NAA15: variants seen among roughly 807,000 people sequenced by gnomAD.
The protein encoded by NAA15 is N-terminal acetyltransferase.
A neutral mutation model predicts 114.0 loss-of-function variants in NAA15; 34 were observed. The ratio of observed to expected loss-of-function variants is 0.30; its 90% CI spans 0.23 to 0.40. NAA15 has a LOEUF of 0.40. NAA15 is among the 10% of genes least tolerant of loss of function. The pLI, the probability that NAA15 is intolerant of heterozygous loss-of-function variation, is 1.00. For missense variants in NAA15, 658 were observed against 1,004.5 expected (o/e 0.66, Z 4.66); for synonymous variants, 340 against 338.0 (o/e 1.01, Z -0.06).
rs184011277 is a variant in NAA15, at chr4:139,372,163, G to A, written c.1947+1759G>A. Among the ~76,000 whole-genome samples, 274 of 152,194 alleles carry A rather than the reference G, an allele frequency of 1.8e-3. 1 individual carries two copies. Among genetic ancestry groups the A allele is most frequent in the Middle Eastern group, 3.4e-3 (1 of 292 alleles). On this transcript the variant is annotated intron_variant, in intron 15 of 19. Transcript: ENST00000296543. Reference sequence around the variant, plus strand: ...CATCTCCTGACCTCATGATCCTCCCGCCTCAGCCTCCCAAAGTGCTGGGAT... The same window carrying A: ...CATCTCCTGACCTCATGATCCTCCCACCTCAGCCTCCCAAAGTGCTGGGAT...
intron 4 of NAA15, among the ~76,000 whole-genome samples, chr4:139,341,593 C>CAAAAAAAAAAAAAAAA (rs751688160): frequency 6.9e-5 from 1 of 14,426 alleles, no homozygotes; most frequent in Non-Finnish European, 1.3e-4. Flanking sequence ...AACTCTGTCT[C>CAAAAAAAAAAAAAAAA]AAAAAAAAAA....
At chr4:139,370,102 G>A in intron 14 of NAA15, 109 bp from the exon 15 acceptor site, 1 of 935,986 alleles carries the variant, frequency 1.1e-6, no homozygotes. Flanking sequence ...GCCATGCCCA[G>A]CCTCATGCAA....
In NAA15 at chr4:139,357,535, G is replaced by A. The variant is rs575715969; in HGVS notation, c.1237G>A (p.Val413Met). ...ACCTACATTAATAGAACTCTTTCTC[G>A]TGAAAGCTAAAATCTATAAGGTAAA... Reference protein sequence around the residue: ...STPTLIELFLVKAKIYKHAGN... With the variant: ...STPTLIELFLMKAKIYKHAGN... The change falls in exon 11 of 20, where the codon GTG becomes ATG. Residue 413 changes from valine to methionine, a missense_variant. Val to Met is a conservative substitution (Grantham distance 21). Transcript: ENST00000296543. The A allele has an allele frequency of 4.4e-5, 71 of 1,605,642 alleles. No individual in the cohort carries two copies. In the Admixed American group the frequency reaches 5.7e-4, roughly 13 times the overall value.
intron 8 of NAA15, 91 bp from the exon 9 acceptor site, chr4:139,351,414 T>C: frequency 1.9e-6 from 2 of 1,040,536 alleles, no homozygotes; most frequent in Non-Finnish European, 3.0e-6. Flanking sequence ...ACAACTCTGC[T>C]AAATGTAAGT....
intron 10 of NAA15, 120 bp downstream of exon 10, chr4:139,354,218 CTCTT>C (rs1747869586): frequency 2.8e-6 from 2 of 712,184 alleles, no homozygotes; most frequent in East Asian, 5.4e-5. Context: ...AAATTTTTTT[CTCTT>C]TGAGAGGGAG....
Position 139,339,521 on chromosome 4 carries a change from C to T in NAA15, c.245-1391C>T, listed in dbSNP as rs116812567. On this transcript the variant is annotated intron_variant, in intron 3 of 19. Transcript: ENST00000296543. ...TTTAAAAAACGCAATAATTAGGAGG[C>T]GGGCGGATCACGAGATCAGGAGATC... Among the ~76,000 whole-genome samples the T allele has an allele frequency of 6.5e-3, 977 of 151,350 alleles. 8 individuals are homozygous for T. Among genetic ancestry groups the T allele is most frequent in the African/African-American group, 0.023 (941 of 41,308 alleles).
chr4:139,372,445 G>C (rs1203375676), intron 15 of NAA15, among the ~76,000 whole-genome samples: 2 of 152,124 alleles, frequency 1.3e-5, no homozygotes, highest in East Asian at 1.9e-4. Context: ...CGGTGCTTCT[G>C]ACTGCTTTGT....
intron 2 of NAA15, among the ~76,000 whole-genome samples, chr4:139,336,449 G>C (rs1342081481): frequency 6.6e-6 from 1 of 151,848 alleles, no homozygotes; most frequent in Non-Finnish European, 1.5e-5. Context: ...AGTTTAACCC[G>C]TATATAACCT....
At position 139,388,148 on chromosome 4, in the gene NAA15, G is replaced by A. The variant is rs1748960199; in HGVS notation, c.*64G>A. The A allele has an allele frequency of 5.2e-6, 7 of 1,347,510 alleles. No individual in the cohort carries two copies. The highest frequency in any genetic ancestry group is 1.3e-5 in the South Asian group (1 of 78,080). The allele number at this position is 1,347,510 out of a possible 1,614,324, so 83.5% of individuals were successfully genotyped here. ...ATCTAGTATATAATATTTTTGTCAC[G>A]CACCTGCTGCATTGCTCTAACTTAC... is the stretch of plus-strand genomic sequence containing the variant. On this transcript the variant is annotated 3_prime_UTR_variant, in exon 20 of 20. Coordinates refer to ENST00000296543, the MANE Select transcript of NAA15 (RefSeq NM_057175.5).
chr4:139,367,647 G>A (rs564103155), intron 14 of NAA15, among the ~76,000 whole-genome samples: 3 of 152,158 alleles, frequency 2.0e-5, no homozygotes, highest in Non-Finnish European at 2.9e-5. Context: ...AGACTAAATA[G>A]TGAGGCACCA....
chr4:139,310,453 CAAAA>C (rs770200901), intron 1 of NAA15, among the ~76,000 whole-genome samples: 1 of 53,806 alleles, frequency 1.9e-5, no homozygotes. Flanking sequence ...GACTCCGTCT[CAAAA>C]AAAAAAAAAA....
chr4:139,358,350 C>T (rs1748030121), intron 11 of NAA15, among the ~76,000 whole-genome samples: 1 of 151,668 alleles, frequency 6.6e-6, no homozygotes, highest in Non-Finnish European at 1.5e-5. Flanking sequence ...CATGCACCAC[C>T]ATACCCAGCT....
At chr4:139,326,706 T>C (rs1207130292) in intron 1 of NAA15, among the ~76,000 whole-genome samples, 1 of 152,236 alleles carries the variant, frequency 6.6e-6, no homozygotes, top group Non-Finnish European at 1.5e-5. Flanking sequence ...AATTCTATAC[T>C]TTTAACAGAT....
intron 15 of NAA15, among the ~76,000 whole-genome samples, chr4:139,374,684 A>T (rs1055625352): frequency 6.6e-5 from 10 of 152,156 alleles, no homozygotes; most frequent in African/African-American, 2.4e-4. Context: ...TGCACGATGT[A>T]TGAGTAAATA....
At chr4:139,381,165 G>T (rs1192792739) in intron 17 of NAA15, among the ~76,000 whole-genome samples, 1 of 152,028 alleles carries the variant, frequency 6.6e-6, no homozygotes, top group Non-Finnish European at 1.5e-5. Flanking sequence ...ACTAAATGCT[G>T]CATGCAGTTA....
chr4:139,361,973 GTTTATGTGTA>G lies in NAA15; in HGVS notation c.1753+49_1753+58del, dbSNP rs755857991. On this transcript the variant is annotated intron_variant, in intron 14 of 19. Transcript: ENST00000296543. ...CAGAGTTCTTCTTGTGCTCTGATGT[GTTTATGTGTA>G]TTTATGTGTATTATGTTTTTCATTT... The G allele has an allele frequency of 3.7e-5, 54 of 1,453,676 alleles. No individual in the cohort carries two copies. The African/African-American group carries it at 6.2e-4, about 17-fold the overall frequency. The allele number at this position is 1,453,676 out of a possible 1,614,324, so 90.0% of individuals were successfully genotyped here.
Position 139,301,555 on chromosome 4 carries a change from C to A in NAA15, c.-223C>A. The stretch of plus-strand genomic sequence containing the variant: ...TACCACGTGAACCGCCGACGGAGAC[C>A]CGTAGTGGGGGAGGCGGCGGCAGCG... On this transcript the variant is annotated 5_prime_UTR_variant, in exon 1 of 20. Coordinates refer to ENST00000296543, the MANE Select transcript of NAA15 (RefSeq NM_057175.5). 1 of 584,120 alleles carries A rather than the reference C, an allele frequency of 1.7e-6. No individual in the cohort carries two copies. The allele number at this position is 584,120 out of a possible 1,614,324, so 36.2% of individuals were successfully genotyped here.
rs1407353630 is a variant in NAA15, at chr4:139,331,721, TC to T, written c.55-2450del. Reference sequence around the variant, plus strand: ...CTTAAGTGATCCGCTCACCTCAGCCTCCCAAAGTGCTGGGATTACAAGCATG... The same window carrying T: ...CTTAAGTGATCCGCTCACCTCAGCCTCCAAAGTGCTGGGATTACAAGCATG... On this transcript the variant is annotated intron_variant, in intron 1 of 19. Transcript: ENST00000296543. 2.7e-5 allele frequency among the ~76,000 whole-genome samples: 4 copies of T among 150,670 alleles called. No homozygotes were observed. In the East Asian group the frequency reaches 7.9e-4, roughly 30 times the overall value.
chr4:139,351,734 G>T, intron 9 of NAA15, 123 bp downstream of exon 9: 1 of 520,936 alleles, frequency 1.9e-6, no homozygotes, highest in South Asian at 3.8e-5. Flanking sequence ...AGTCTTCCCA[G>T]TTTGCAGTTT....
Sources: gnomAD v4.1 joint callset for allele counts (sites outside exome capture counted in the v4.1 genomes callset) on GRCh38, gnomAD v4.1.1 for gene constraint, MANE v1.5 for transcripts, NCBI Gene and HGNC (gene_info 2026-07-23, HGNC 2026-07-21) for gene names.